PDE3A: variants seen among roughly 807,000 people sequenced by gnomAD.
PDE3A encodes the protein cGMP-inhibited 3',5'-cyclic phosphodiesterase 3A.
PDE3A carries 43 observed loss-of-function variants against 98.3 expected under a neutral mutation model. The observed-to-expected ratio is 0.44, with a 90% CI of 0.34 to 0.56. The LOEUF (loss-of-function observed/expected upper bound fraction) is 0.56, where lower values mean the gene tolerates loss of function less well. Ranked by LOEUF, PDE3A falls within the 20% of genes least tolerant of loss-of-function variation. PDE3A has a pLI of 0.01. For missense variants in PDE3A, 1,427 were observed against 1,440.7 expected (o/e 0.99, Z 0.15); for synonymous variants, 663 against 567.9 (o/e 1.17, Z -2.38).
chr12:20,453,386 G>T lies in PDE3A; in HGVS notation c.960+83142G>T, dbSNP rs995340882. On this transcript the variant is annotated intron_variant, in intron 1 of 15. Coordinates refer to ENST00000359062, the MANE Select transcript of PDE3A (RefSeq NM_000921.5). ...GTGGAGATGGGGTTTCACCATGTTG[G>T]CCAGGCTGGTCTCAAACTCCTGACC... Among the ~76,000 whole-genome samples the T allele has an allele frequency of 2.6e-5, 4 of 151,782 alleles. No homozygotes were observed. In the East Asian group the frequency reaches 5.8e-4, roughly 22 times the overall value.
intron 15 of PDE3A, among the ~76,000 whole-genome samples, chr12:20,667,522 A>C (rs1051939986): frequency 6.6e-6 from 1 of 152,182 alleles, no homozygotes; most frequent in Non-Finnish European, 1.5e-5. Flanking sequence ...CCACTTATTA[A>C]AAAAGATGTC....
At chr12:20,446,837 C>T (rs965120246) in intron 1 of PDE3A, among the ~76,000 whole-genome samples, 6 of 151,944 alleles carry the variant, frequency 3.9e-5, no homozygotes, top group African/African-American at 9.7e-5. Context: ...GATAAAGGGG[C>T]GATTGCTTAT....
intron 1 of PDE3A, among the ~76,000 whole-genome samples, chr12:20,554,937 C>T (rs1351195355): frequency 6.6e-6 from 1 of 152,100 alleles, no homozygotes; most frequent in Non-Finnish European, 1.5e-5. Context: ...ATTTTTAATG[C>T]TAAACCATTA....
chr12:20,473,852 C>T (rs917125816), intron 1 of PDE3A, among the ~76,000 whole-genome samples: 19 of 151,858 alleles, frequency 1.3e-4, no homozygotes, highest in Admixed American at 8.5e-4. Flanking sequence ...ATGCATTATA[C>T]GAAGGTCCTA....
chr12:20,400,379 G>GTTTTTTTT lies in PDE3A; in HGVS notation c.960+30173_960+30180dup, dbSNP rs75851941. 7.5e-4 allele frequency among the ~76,000 whole-genome samples: 83 copies of GTTTTTTTT among 110,238 alleles called. 1 individual carries two copies. The highest frequency in any genetic ancestry group is 9.6e-4 in the Non-Finnish European group (55 of 57,378). The allele number at this position is 110,238 out of a possible 152,430, so 72.3% of individuals were successfully genotyped here. On this transcript the variant is annotated intron_variant, in intron 1 of 15. Coordinates refer to ENST00000359062, the MANE Select transcript of PDE3A (RefSeq NM_000921.5). ...AGCTCATGTTGACTCGTTAACATTG[G>GTTTTTTTT]TTTTTTTTTTTTTTTTTTTTTTTTT...
At chr12:20,409,301 A>G (rs1944292104) in intron 1 of PDE3A, among the ~76,000 whole-genome samples, 1 of 152,152 alleles carries the variant, frequency 6.6e-6, no homozygotes, top group Admixed American at 6.5e-5. Context: ...TTAAAATTCT[A>G]TTTGAGCTTT....
At chr12:20,570,071 G>A (rs140579958) in intron 2 of PDE3A, among the ~76,000 whole-genome samples, 1 of 152,196 alleles carries the variant, frequency 6.6e-6, no homozygotes, top group East Asian at 1.9e-4. Flanking sequence ...TTTAGCTTAT[G>A]AAAGAGAACT....
chr12:20,615,911 A>T (rs969090545), intron 3 of PDE3A, among the ~76,000 whole-genome samples: 5 of 151,950 alleles, frequency 3.3e-5, no homozygotes, highest in African/African-American at 1.2e-4. Context: ...TTTTTGGTAG[A>T]CGGGGTTTCA....
At chr12:20,496,723 T>G (rs778373975) in intron 1 of PDE3A, among the ~76,000 whole-genome samples, 1 of 152,244 alleles carries the variant, frequency 6.6e-6, no homozygotes, top group African/African-American at 2.4e-5. Flanking sequence ...TTTGCTATGT[T>G]GGATAGAAAA....
chr12:20,582,456 G>C (rs1943090336), intron 2 of PDE3A, among the ~76,000 whole-genome samples: 1 of 152,170 alleles, frequency 6.6e-6, no homozygotes, highest in Admixed American at 6.5e-5. Flanking sequence ...AGCCTTCCAA[G>C]ATGCTGGGAG....
rs559875142 is a variant in PDE3A at position 20,539,733 on chromosome 12, G to A, written c.961-16927G>A. On this transcript the variant is annotated intron_variant, in intron 1 of 15. Transcript: ENST00000359062. Reference sequence around the variant, plus strand: ...CGAAGAATGAAAATGAGCTGACAATGCTAAGAAAATGGGAAAATGTATTCT... The same window carrying A: ...CGAAGAATGAAAATGAGCTGACAATACTAAGAAAATGGGAAAATGTATTCT... Among the ~76,000 whole-genome samples the A allele has an allele frequency of 2.4e-4, 36 of 152,170 alleles. 1 individual carries two copies. In the South Asian group the frequency reaches 5.0e-3, roughly 21 times the overall value.
intron 5 of PDE3A, 108 bp from the exon 6 acceptor site, chr12:20,629,800 A>G (rs906186075): frequency 5.0e-6 from 4 of 804,022 alleles, no homozygotes; most frequent in African/African-American, 1.7e-5. Context: ...TGACCTGAGC[A>G]GGCACGTGGT....
chr12:20,649,100 ATTT>A (rs57663785), intron 13 of PDE3A, among the ~76,000 whole-genome samples: 4 of 149,404 alleles, frequency 2.7e-5, no homozygotes, highest in Non-Finnish European at 3.0e-5. Flanking sequence ...TAATTTTTGT[ATTT>A]TTTTTTTTTA....
At chr12:20,639,044 T>C (rs746459392) in intron 9 of PDE3A, among the ~76,000 whole-genome samples, 3 of 152,094 alleles carry the variant, frequency 2.0e-5, no homozygotes, top group Non-Finnish European at 4.4e-5. Flanking sequence ...CCTTGACTTA[T>C]TATATCTTCA....
chr12:20,384,863 A>G (rs1309682311), intron 1 of PDE3A, among the ~76,000 whole-genome samples: 1 of 152,054 alleles, frequency 6.6e-6, no homozygotes, highest in African/African-American at 2.4e-5. Context: ...AGACGACCTC[A>G]TTCCTCTTTA....
rs144975846 is a variant in PDE3A at position 20,462,334 on chromosome 12, T to C, written c.960+92090T>C. On this transcript the variant is annotated intron_variant, in intron 1 of 15. Coordinates refer to ENST00000359062, the MANE Select transcript of PDE3A (RefSeq NM_000921.5). ...GGCAAAACTGTGCCTCTACTAAAAA[T>C]ATGAAAATCAGCTGGGCCTGGTGGC... 2.4e-3 allele frequency among the ~76,000 whole-genome samples: 366 copies of C among 152,064 alleles called. 1 individual carries two copies. Among genetic ancestry groups the C allele is most frequent in the Admixed American group, 7.2e-3 (110 of 15,276 alleles).
At chr12:20,533,283 CTTCT>C (rs1201134763) in intron 1 of PDE3A, among the ~76,000 whole-genome samples, 2 of 151,880 alleles carry the variant, frequency 1.3e-5, no homozygotes, top group African/African-American at 4.8e-5. Flanking sequence ...CCTTATTCAA[CTTCT>C]TTAAGTAAGT....
At chr12:20,429,460 C>T (rs1348061436) in intron 1 of PDE3A, among the ~76,000 whole-genome samples, 2 of 152,172 alleles carry the variant, frequency 1.3e-5, no homozygotes, top group African/African-American at 4.8e-5. Context: ...GTATGAAGAA[C>T]ATTTTGAATG....
At chr12:20,515,748 T>G (rs982643344) in intron 1 of PDE3A, among the ~76,000 whole-genome samples, 1 of 137,534 alleles carries the variant, frequency 7.3e-6, no homozygotes, top group African/African-American at 2.6e-5. Flanking sequence ...ATTTATTTAT[T>G]TTGAGACGGA....
Sources: gnomAD v4.1 joint callset for allele counts (sites outside exome capture counted in the v4.1 genomes callset) on GRCh38, gnomAD v4.1.1 for gene constraint, MANE v1.5 for transcripts, NCBI Gene and HGNC (gene_info 2026-07-23, HGNC 2026-07-21) for gene names.